The following KCTD8 variants were observed in gnomAD, a reference collection of about 807,000 sequenced individuals.
The protein encoded by KCTD8 is potassium channel tetramerization domain containing 8.
KCTD8 carries 27 observed loss-of-function variants against 31.5 expected under a neutral mutation model. That is an observed-to-expected ratio of 0.86 (90% CI 0.63 to 1.18). KCTD8 has a LOEUF of 1.18. Ranked by LOEUF, KCTD8 falls within the 50% of genes most tolerant of loss-of-function variation. The pLI is 0.00. For synonymous variants in KCTD8, 290 were observed against 280.0 expected, an observed-to-expected ratio of 1.04 and a Z score of -0.36; for missense variants, 658 against 647.7, an observed-to-expected ratio of 1.02 and a Z score of -0.17.
chr4:44,273,708 TAA>T, intron 1 of KCTD8, among the ~76,000 whole-genome samples: 1 of 152,018 alleles, frequency 6.6e-6, no homozygotes, highest in South Asian at 2.1e-4. Flanking sequence ...ATAACATTGT[TAA>T]AAACAAAAAA....
intron 1 of KCTD8, among the ~76,000 whole-genome samples, chr4:44,330,738 T>C (rs1718572217): frequency 6.6e-6 from 1 of 151,898 alleles, no homozygotes. Context: ...TGAAGTACTA[T>C]ATGTAAAGCT....
At chr4:44,270,463 G>T (rs1471826404) in intron 1 of KCTD8, among the ~76,000 whole-genome samples, 1 of 151,690 alleles carries the variant, frequency 6.6e-6, no homozygotes, top group African/African-American at 2.4e-5. Context: ...AATGGGTGCA[G>T]CACACCAGCA....
At chr4:44,267,846 G>A (rs528926409) in intron 1 of KCTD8, among the ~76,000 whole-genome samples, 1 of 152,290 alleles carries the variant, frequency 6.6e-6, no homozygotes, top group East Asian at 1.9e-4. Flanking sequence ...AAACCAGGAA[G>A]AAGTTGAATC....
At chr4:44,262,504 G>A (rs772232255) in intron 1 of KCTD8, among the ~76,000 whole-genome samples, 8 of 152,054 alleles carry the variant, frequency 5.3e-5, no homozygotes, top group South Asian at 4.2e-4. Flanking sequence ...TATATTCTTC[G>A]TATAAGTCAC....
chr4:44,393,954 T>C (rs1430366294), intron 1 of KCTD8, among the ~76,000 whole-genome samples: 1 of 151,992 alleles, frequency 6.6e-6, no homozygotes, highest in Non-Finnish European at 1.5e-5. Context: ...AGCTCTCTGA[T>C]TACTTCAAAT....
intron 1 of KCTD8, among the ~76,000 whole-genome samples, chr4:44,309,038 G>GTTTA (rs916838653): frequency 6.6e-6 from 1 of 151,926 alleles, no homozygotes; most frequent in African/African-American, 2.4e-5. Context: ...TCAAACTGAC[G>GTTTA]TTTATTTATT....
chr4:44,448,560 T>C lies in KCTD8; in HGVS notation c.-37A>G, dbSNP rs774189428. ...CGCCGGCCCAGTGACCCGAGAGAGC[T>C]GCACTTTCTCGTTCCCGGAGCCCGC... On this transcript the variant is annotated 5_prime_UTR_variant, in exon 1 of 2. Coordinates refer to ENST00000360029, the MANE Select transcript of KCTD8 (RefSeq NM_198353.3). This position sits in a 1 kb window ranked among gnomAD's most constrained non-coding sequence, Gnocchi z 4.1. The C allele has an allele frequency of 1.4e-6, 2 of 1,411,180 alleles. No individual in the cohort carries two copies. Among genetic ancestry groups the C allele is most frequent in the Admixed American group, 2.8e-5 (1 of 35,256 alleles). 87.4% of individuals were successfully genotyped at this position (1,411,180 alleles called of 1,614,324 possible).
intron 1 of KCTD8, among the ~76,000 whole-genome samples, chr4:44,339,259 T>A (rs1718833941): frequency 1.3e-5 from 2 of 152,170 alleles, no homozygotes; most frequent in South Asian, 4.1e-4. Context: ...ATCCCTCAAA[T>A]CACAAAATAA....
chr4:44,188,259 A>C (rs1713650853), intron 1 of KCTD8, among the ~76,000 whole-genome samples: 1 of 152,196 alleles, frequency 6.6e-6, no homozygotes, highest in Non-Finnish European at 1.5e-5. Context: ...TTAAGGCAGC[A>C]GCTCGGTGCA....
chr4:44,218,291 A>G (rs1358361650), intron 1 of KCTD8, among the ~76,000 whole-genome samples: 1 of 150,044 alleles, frequency 6.7e-6, no homozygotes, highest in African/African-American at 2.4e-5. Context: ...GCACCACCAC[A>G]CCCGGCTAAT....
intron 1 of KCTD8, among the ~76,000 whole-genome samples, chr4:44,381,748 T>C (rs527553140): frequency 6.6e-6 from 1 of 151,814 alleles, no homozygotes; most frequent in South Asian, 2.1e-4. Context: ...TTTAAAAGTG[T>C]GTGGTGCCTC....
intron 1 of KCTD8, among the ~76,000 whole-genome samples, chr4:44,212,703 C>A (rs1714526014): frequency 1.3e-5 from 2 of 152,082 alleles, no homozygotes; most frequent in Non-Finnish European, 2.9e-5. Context: ...TTCTTTTACA[C>A]TCAAAATTTA....
chr4:44,371,422 TTATC>T (rs770087027), intron 1 of KCTD8, among the ~76,000 whole-genome samples: 9 of 152,176 alleles, frequency 5.9e-5, no homozygotes, highest in Non-Finnish European at 8.8e-5. Flanking sequence ...AACAGGGACT[TTATC>T]TATTGGCTTT....
intron 1 of KCTD8, among the ~76,000 whole-genome samples, chr4:44,206,717 G>C (rs1577830489): frequency 6.6e-6 from 1 of 152,154 alleles, no homozygotes; most frequent in South Asian, 2.1e-4. Context: ...GCCTGGAACA[G>C]TTGCTACGAG....
chr4:44,372,307 C>G (rs190173773), intron 1 of KCTD8, among the ~76,000 whole-genome samples: 1 of 152,270 alleles, frequency 6.6e-6, no homozygotes, highest in East Asian at 1.9e-4. Context: ...ACAGTCCTTA[C>G]ACTCGAGGGG....
intron 1 of KCTD8, among the ~76,000 whole-genome samples, chr4:44,229,186 AGT>A (rs1376464186): frequency 6.6e-6 from 1 of 152,164 alleles, no homozygotes; most frequent in East Asian, 1.9e-4. Flanking sequence ...GGCAGGCATG[AGT>A]GAGGCAGGAG....
chr4:44,271,709 C>T (rs1364515195), intron 1 of KCTD8, among the ~76,000 whole-genome samples: 4 of 152,150 alleles, frequency 2.6e-5, no homozygotes, highest in Non-Finnish European at 1.5e-5. Context: ...GTTCCTGTTG[C>T]ATATAACTAG....
intron 1 of KCTD8, among the ~76,000 whole-genome samples, chr4:44,235,528 TATATATATATATATA>T (rs1560401999): frequency 2.3e-3 from 22 of 9,370 alleles, no homozygotes; most frequent in East Asian, 0.014. Flanking sequence ...CACTGGATTA[TATATATATATATATA>T]TATATATATA....
intron 1 of KCTD8, among the ~76,000 whole-genome samples, chr4:44,378,309 G>C (rs1275027474): frequency 6.7e-6 from 1 of 148,410 alleles, no homozygotes; most frequent in Non-Finnish European, 1.5e-5. Context: ...ACTATTCTCT[G>C]ATCTGCTTTA....
Sources: gnomAD v4.1 joint callset for allele counts (sites outside exome capture counted in the v4.1 genomes callset) on GRCh38, gnomAD v4.1.1 for gene constraint, Gnocchi (gnomAD v3.1) non-coding constraint, MANE v1.5 for transcripts, NCBI Gene and HGNC (gene_info 2026-07-23, HGNC 2026-07-21) for gene names.